The following PDE3A variants were observed in gnomAD, a reference collection of about 807,000 sequenced individuals.
PDE3A encodes the protein cGMP-inhibited 3',5'-cyclic phosphodiesterase 3A.
PDE3A carries 43 observed loss-of-function variants against 98.3 expected under a neutral mutation model. The ratio of observed to expected loss-of-function variants is 0.44; its 90% CI spans 0.34 to 0.56. The LOEUF (loss-of-function observed/expected upper bound fraction) is 0.56. Among genes scored for constraint, PDE3A ranks in the 20% least tolerant of loss-of-function variants. PDE3A has a pLI of 0.01. For missense variants in PDE3A, 1,427 were observed against 1,440.7 expected (o/e 0.99, Z 0.15); for synonymous variants, 663 against 567.9 (o/e 1.17, Z -2.38).
Position 20,664,816 on chromosome 12 carries a change from T to C in PDE3A, c.3184+10611T>C, listed in dbSNP as rs183626504. 3.9e-5 allele frequency among the ~76,000 whole-genome samples: 6 copies of C among 152,294 alleles called. No homozygotes were observed. In the East Asian group the frequency reaches 1.2e-3, roughly 29 times the overall value. On this transcript the variant is annotated intron_variant, in intron 15 of 15. Coordinates refer to ENST00000359062, the MANE Select transcript of PDE3A (RefSeq NM_000921.5). ...TTTGTAAATTATCCAGTCTCAGGTATGTCTTTATCAGCAGTGTGAAATTGA... is the reference window on the plus strand; with the variant it reads ...TTTGTAAATTATCCAGTCTCAGGTACGTCTTTATCAGCAGTGTGAAATTGA...
At chr12:20,627,198 A>G (rs1019556727) in intron 5 of PDE3A, among the ~76,000 whole-genome samples, 6 of 150,322 alleles carry the variant, frequency 4.0e-5, no homozygotes, top group South Asian at 2.1e-4. Flanking sequence ...CTCACAGTTT[A>G]CTATGAGAAC....
intron 1 of PDE3A, among the ~76,000 whole-genome samples, chr12:20,511,417 TACACACAC>T (rs71884926): frequency 1.4e-5 from 2 of 147,890 alleles, no homozygotes; most frequent in Non-Finnish European, 3.0e-5. Flanking sequence ...AGTGCTCAAA[TACACACAC>T]ACACACACAC....
At chr12:20,458,990 G>T (rs370869362) in intron 1 of PDE3A, among the ~76,000 whole-genome samples, 4 of 152,148 alleles carry the variant, frequency 2.6e-5, no homozygotes, top group Admixed American at 2.0e-4. Context: ...ATAAAAATAT[G>T]TAAATAAAAG....
chr12:20,622,938 T>G (rs986243226), intron 5 of PDE3A, among the ~76,000 whole-genome samples: 1 of 152,028 alleles, frequency 6.6e-6, no homozygotes, highest in African/African-American at 2.4e-5. Flanking sequence ...TGAGTTTGAG[T>G]TAACAGAAAC....
chr12:20,543,734 C>T (rs900084301), intron 1 of PDE3A, among the ~76,000 whole-genome samples: 3 of 151,954 alleles, frequency 2.0e-5, no homozygotes, highest in African/African-American at 7.2e-5. Context: ...GTGAATTTTA[C>T]GTTTCTCAAT....
intron 2 of PDE3A, chr12:20,556,952 A>G (rs997298984): frequency 2.0e-6 from 1 of 506,620 alleles, no homozygotes; most frequent in South Asian, 2.8e-5. Context: ...ATGAATATAG[A>G]TTTTATATTC....
chr12:20,624,516 A>G (rs2121490864), intron 5 of PDE3A, among the ~76,000 whole-genome samples: 1 of 152,334 alleles, frequency 6.6e-6, no homozygotes, highest in South Asian at 2.1e-4. Flanking sequence ...GGCAGGTGGT[A>G]GGAATGAGAG....
intron 1 of PDE3A, among the ~76,000 whole-genome samples, chr12:20,510,326 T>C (rs906449609): frequency 6.6e-6 from 1 of 152,104 alleles, no homozygotes; most frequent in Non-Finnish European, 1.5e-5. Flanking sequence ...GTATGTAATA[T>C]ATTAGATCAA....
At chr12:20,453,173 CTTTTT>C (rs55780939) in intron 1 of PDE3A, among the ~76,000 whole-genome samples, 7 of 124,626 alleles carry the variant, frequency 5.6e-5, no homozygotes, top group African/African-American at 2.1e-4. Context: ...CTTGATAATG[CTTTTT>C]TTTTTTTTTT....
Position 20,368,577 on chromosome 12 carries a change from C to A in PDE3A, c.-708C>A, listed in dbSNP as rs572432016. On this transcript the variant is annotated 5_prime_UTR_variant, in exon 1 of 16. Coordinates refer to ENST00000359062, the MANE Select transcript of PDE3A (RefSeq NM_000921.5). ...TGGCTCTCTCTCCGACGGGACTTAG[C>A]AACTTCTTATTTCTCAGCCCCTTGT... Among the ~76,000 whole-genome samples, 2 of 151,906 alleles carry A rather than the reference C, an allele frequency of 1.3e-5. No homozygotes were observed. Among genetic ancestry groups the A allele is most frequent in the Non-Finnish European group, 2.9e-5 (2 of 67,926 alleles).
intron 1 of PDE3A, among the ~76,000 whole-genome samples, chr12:20,477,490 A>G (rs941483854): frequency 2.0e-5 from 3 of 152,122 alleles, no homozygotes; most frequent in Non-Finnish European, 4.4e-5. Context: ...TTTTTTTGGT[A>G]GAGTCATAAA....
intron 1 of PDE3A, among the ~76,000 whole-genome samples, chr12:20,427,906 C>A (rs888866240): frequency 9.2e-5 from 14 of 151,668 alleles, no homozygotes; most frequent in South Asian, 4.2e-4. Context: ...AAATAAATAT[C>A]TTTAAAATAA....
chr12:20,373,500 T>A (rs1381412537), intron 1 of PDE3A, among the ~76,000 whole-genome samples: 1 of 152,114 alleles, frequency 6.6e-6, no homozygotes, highest in Non-Finnish European at 1.5e-5. Context: ...TTTGAAGGGG[T>A]GTCTCTCCAT....
intron 2 of PDE3A, among the ~76,000 whole-genome samples, chr12:20,570,399 C>T (rs571488444): frequency 9.1e-5 from 8 of 87,432 alleles, no homozygotes; most frequent in Non-Finnish European, 1.3e-4. Context: ...CAGAATGCGA[C>T]GCTGTCTCAA....
At chr12:20,612,878 A>C (rs958619676) in intron 2 of PDE3A, among the ~76,000 whole-genome samples, 9 of 151,776 alleles carry the variant, frequency 5.9e-5, no homozygotes, top group African/African-American at 9.7e-5. Flanking sequence ...CAGAACTGAA[A>C]TTTCTATTCC....
At chr12:20,668,609 G>A (rs1450321650) in intron 15 of PDE3A, among the ~76,000 whole-genome samples, 1 of 152,066 alleles carries the variant, frequency 6.6e-6, no homozygotes, top group Non-Finnish European at 1.5e-5. Context: ...CACATGGCAG[G>A]GTACTCCAAC....
chr12:20,493,641 T>C (rs7315451), intron 1 of PDE3A, among the ~76,000 whole-genome samples: 6,449 of 152,222 alleles, frequency 0.042, 159 homozygotes, highest in South Asian at 0.064. Context: ...ACTTTTCTTT[T>C]TTTTTTGAGG....
chr12:20,620,990 A>G (rs1944120761), intron 4 of PDE3A, among the ~76,000 whole-genome samples: 1 of 152,074 alleles, frequency 6.6e-6, no homozygotes, highest in Non-Finnish European at 1.5e-5. Context: ...TCTGTGAGGA[A>G]CGTAATTTTA....
At chr12:20,675,674 A>G (rs892275459) in intron 15 of PDE3A, among the ~76,000 whole-genome samples, 1 of 152,088 alleles carries the variant, frequency 6.6e-6, no homozygotes, top group Admixed American at 6.5e-5. Context: ...GAACTATTCT[A>G]TCCTCTTACT....
Sources: allele counts gnomAD v4.1 joint callset (sites outside exome capture counted in the v4.1 genomes callset), GRCh38; gene constraint gnomAD v4.1.1; transcripts MANE v1.5; gene names NCBI Gene and HGNC (gene_info 2026-07-23, HGNC 2026-07-21).